The following ANKRD30BL variants were observed in gnomAD, a reference collection of about 807,000 sequenced individuals.
The protein encoded by ANKRD30BL is putative ankyrin repeat domain-containing protein 30B-like.
In ANKRD30BL, 20 loss-of-function variants were observed where a neutral mutation model predicts 18.4. That is an observed-to-expected ratio of 1.09 (90% CI 0.77 to 1.58). The LOEUF (loss-of-function observed/expected upper bound fraction) is 1.58, where lower values mean the gene tolerates loss of function less well. ANKRD30BL is among the 40% of genes most tolerant of loss of function. ANKRD30BL has a pLI of 0.00. For missense variants in ANKRD30BL, 224 were observed against 268.6 expected (o/e 0.83, Z 1.16); for synonymous variants, 72 against 100.9 (o/e 0.71, Z 1.72).
intron 1 of ANKRD30BL, among the ~76,000 whole-genome samples, chr2:132,231,222 G>A (rs1680000658): frequency 6.6e-6 from 1 of 152,172 alleles, no homozygotes; most frequent in African/African-American, 2.4e-5. Flanking sequence ...AACTCACAGA[G>A]TTGAACTTTC....
At chr2:132,240,152 C>T (rs1680274775) in intron 1 of ANKRD30BL, among the ~76,000 whole-genome samples, 1 of 151,748 alleles carries the variant, frequency 6.6e-6, no homozygotes, top group African/African-American at 2.4e-5. Flanking sequence ...GTAATATCTT[C>T]ACATAAAAAC....
intron 1 of ANKRD30BL, among the ~76,000 whole-genome samples, chr2:132,215,407 A>T (rs1162708782): frequency 1.3e-5 from 2 of 152,232 alleles, no homozygotes. Flanking sequence ...TGATATGTGC[A>T]TTCATCTCAC....
intron 1 of ANKRD30BL, among the ~76,000 whole-genome samples, chr2:132,224,960 A>G (rs995741164): frequency 1.3e-5 from 2 of 152,014 alleles, no homozygotes; most frequent in African/African-American, 2.4e-5. Flanking sequence ...TTTGAGGCCT[A>G]TGGTGGAAAA....
At chr2:132,227,696 C>A (rs1230765072) in intron 1 of ANKRD30BL, among the ~76,000 whole-genome samples, 1 of 152,020 alleles carries the variant, frequency 6.6e-6, no homozygotes, top group Admixed American at 6.6e-5. Flanking sequence ...CGCTTTTGGG[C>A]CTATAGTGGA....
chr2:132,148,905 A>G (rs1416882816), intron 5 of ANKRD30BL, among the ~76,000 whole-genome samples: 1 of 152,236 alleles, frequency 6.6e-6, no homozygotes, highest in Non-Finnish European at 1.5e-5. Context: ...AGCAAGAAAG[A>G]TGCTTAGTAC....
chr2:132,176,673 C>A (rs1330426499), intron 1 of ANKRD30BL, among the ~76,000 whole-genome samples: 1 of 151,974 alleles, frequency 6.6e-6, no homozygotes, highest in Non-Finnish European at 1.5e-5. Flanking sequence ...TGCCTGTGAT[C>A]CCAGATACTC....
At chr2:132,244,797 C>T (rs1680446560) in intron 1 of ANKRD30BL, among the ~76,000 whole-genome samples, 1 of 152,426 alleles carries the variant, frequency 6.6e-6, no homozygotes, top group South Asian at 2.1e-4. Context: ...TCAGAAACTT[C>T]TTTGTGATGT....
intron 3 of ANKRD30BL, chr2:132,156,025 G>A (rs1351309487): frequency 6.6e-6 from 1 of 151,768 alleles, no homozygotes; most frequent in Non-Finnish European, 1.5e-5. Flanking sequence ...CTTTTATTCT[G>A]GTTTCTATTG....
upstream of ANKRD30BL, among the ~76,000 whole-genome samples, chr2:132,166,432 G>A (rs115385013): frequency 0.014 from 2,054 of 151,878 alleles, 45 homozygotes; most frequent in African/African-American, 0.046. Flanking sequence ...GGAAACATTG[G>A]GGGGGTGAGG....
chr2:132,224,885 C>T (rs199939485), intron 1 of ANKRD30BL, among the ~76,000 whole-genome samples: 2 of 151,660 alleles, frequency 1.3e-5, no homozygotes, highest in African/African-American at 4.8e-5. Flanking sequence ...AGAGTTGAAC[C>T]TTGCTTTTCA....
rs1401812543 is a variant in ANKRD30BL, at chr2:132,185,890, C to A, written n.442-28744G>T. On this transcript the variant is annotated intron_variant and non_coding_transcript_variant, in intron 1 of 4. Coordinates refer to the ANKRD30BL transcript ENST00000470729. ...GTGCAGTAGCTCATGCCTGTAATCCCAGTACTTTAGGAGGCTGAGGAGGAC... is the reference window on the plus strand; with the variant it reads ...GTGCAGTAGCTCATGCCTGTAATCCAAGTACTTTAGGAGGCTGAGGAGGAC... 2.6e-5 allele frequency among the ~76,000 whole-genome samples: 4 copies of A among 152,234 alleles called. No individual in the cohort carries two copies. In the East Asian group the frequency reaches 7.7e-4, roughly 29 times the overall value.
chr2:132,221,815 AG>A (rs1679695230), intron 1 of ANKRD30BL, among the ~76,000 whole-genome samples: 5 of 94,088 alleles, frequency 5.3e-5, no homozygotes, highest in Non-Finnish European at 1.0e-4. Flanking sequence ...TCCGGGAGGG[AG>A]GTGGGGGGGT....
intron 1 of ANKRD30BL, among the ~76,000 whole-genome samples, chr2:132,199,714 C>T (rs1233261341): frequency 3.3e-5 from 5 of 151,892 alleles, no homozygotes; most frequent in African/African-American, 1.2e-4. Flanking sequence ...GCTTAGGTTA[C>T]TTGTTTATTA....
intron 1 of ANKRD30BL, among the ~76,000 whole-genome samples, chr2:132,181,614 C>A (rs986908160): frequency 2.0e-5 from 3 of 152,156 alleles, no homozygotes; most frequent in African/African-American, 4.8e-5. Flanking sequence ...ACATATGTAG[C>A]CTTCCATTTA....
intron 1 of ANKRD30BL, among the ~76,000 whole-genome samples, chr2:132,250,948 A>G (rs1175587666): frequency 1.3e-5 from 2 of 152,206 alleles, no homozygotes; most frequent in Non-Finnish European, 2.9e-5. Flanking sequence ...AATAAACACT[A>G]TTGGCCTTGG....
intron 1 of ANKRD30BL, among the ~76,000 whole-genome samples, chr2:132,186,446 G>A (rs1330701275): frequency 1.3e-5 from 2 of 152,192 alleles, no homozygotes; most frequent in Non-Finnish European, 2.9e-5. Context: ...ATTTCTGCAT[G>A]AATGTCTAGG....
intron 1 of ANKRD30BL, among the ~76,000 whole-genome samples, chr2:132,186,581 T>C (rs1484888349): frequency 6.6e-6 from 1 of 152,210 alleles, no homozygotes; most frequent in Admixed American, 6.5e-5. Context: ...AATATTGTTC[T>C]CCATGTTCCC....
upstream of ANKRD30BL, among the ~76,000 whole-genome samples, chr2:132,165,601 T>G (rs916533107): frequency 5.3e-5 from 8 of 150,858 alleles, no homozygotes; most frequent in African/African-American, 1.9e-4. Flanking sequence ...TAGGAGCCTG[T>G]AGTCCCAGCT....
intron 1 of ANKRD30BL, chr2:132,253,240 AT>A (rs1228744533): frequency 1.8e-5 from 3 of 169,648 alleles, no homozygotes; most frequent in Non-Finnish European, 4.0e-5. Context: ...TGCAGTTCAC[AT>A]TAATTCTCCC....
Sources: allele counts gnomAD v4.1 joint callset (sites outside exome capture counted in the v4.1 genomes callset), GRCh38; gene constraint gnomAD v4.1.1; transcripts MANE v1.5; gene names NCBI Gene and HGNC (gene_info 2026-07-23, HGNC 2026-07-21).